TBC1D31: variants seen among roughly 807,000 people sequenced by gnomAD.
TBC1D31 encodes the protein TBC1 domain family member 31, also known as WD repeat domain 67.
A neutral mutation model predicts 132.9 loss-of-function variants in TBC1D31; 99 were observed. The ratio of observed to expected loss-of-function variants is 0.74; its 90% CI spans 0.63 to 0.88. The LOEUF (loss-of-function observed/expected upper bound fraction) is 0.88. Among genes scored for constraint, TBC1D31 ranks in the 40% least tolerant of loss-of-function variants. The pLI is 0.00. For synonymous variants in TBC1D31, 385 were observed against 419.4 expected, an observed-to-expected ratio of 0.92 and a Z score of 1.00; for missense variants, 1,134 against 1,256.6, an observed-to-expected ratio of 0.90 and a Z score of 1.48.
At chr8:123,080,442 G>A (rs1173076209) in intron 2 of TBC1D31, among the ~76,000 whole-genome samples, 1 of 151,642 alleles carries the variant, frequency 6.6e-6, no homozygotes, top group Non-Finnish European at 1.5e-5. Flanking sequence ...TGGTAGAGAA[G>A]GGAAGAGGGA....
chr8:123,155,105 A>G (rs900575907), downstream of TBC1D31, among the ~76,000 whole-genome samples: 1 of 152,162 alleles, frequency 6.6e-6, no homozygotes, highest in Non-Finnish European at 1.5e-5. The surrounding 1 kb of genome is among the most constrained non-coding windows in gnomAD (Gnocchi z 4.1). Context: ...CTATCTAATG[A>G]GACAGATGCC....
intron 20 of TBC1D31, among the ~76,000 whole-genome samples, chr8:123,148,191 T>C (rs1352520881): frequency 6.6e-6 from 1 of 151,572 alleles, no homozygotes; most frequent in African/African-American, 2.4e-5. Flanking sequence ...ACCTCACCAA[T>C]AGTGATTTAA....
At chr8:123,072,960 C>T (rs938861339) in intron 1 of TBC1D31, 114 bp downstream of exon 1, 3 of 1,085,356 alleles carry the variant, frequency 2.8e-6, no homozygotes, top group Non-Finnish European at 4.0e-6. Context: ...CCCCGCATCC[C>T]TGGGTTGGAT....
rs1335604100 is a variant in TBC1D31, at chr8:123,144,829, A to G, written c.2948A>G (p.Glu983Gly). Residue 983 changes from glutamate (E) to glycine (G), a missense_variant, in exon 20 of 22, where the codon GAA becomes GGA. Physicochemically the swap from Glu to Gly is moderately conservative, Grantham distance 98. Coordinates refer to ENST00000287380, the MANE Select transcript of TBC1D31 (RefSeq NM_145647.4). ...FLKQEINAAV[E>G]HAENPCHKEE... is the part of the protein sequence containing the mutation. The stretch of plus-strand genomic sequence containing the variant: ...AAGCAAGAGATAAATGCGGCTGTAG[A>G]ACATGCTGAAAATCCATGTCATAAA... 1 of 1,612,972 alleles carries G rather than the reference A, an allele frequency of 6.2e-7. No individual in the cohort carries two copies. Among genetic ancestry groups the G allele is most frequent in the Non-Finnish European group, 8.5e-7 (1 of 1,179,782 alleles).
chr8:123,073,066 C>T (rs1480838675), intron 1 of TBC1D31, among the ~76,000 whole-genome samples: 1 of 152,188 alleles, frequency 6.6e-6, no homozygotes, highest in African/African-American at 2.4e-5. Flanking sequence ...CAGCGCGGAG[C>T]AGGAGGAGGC....
At chr8:123,077,461 A>C (rs537667796) in intron 2 of TBC1D31, among the ~76,000 whole-genome samples, 1 of 152,136 alleles carries the variant, frequency 6.6e-6, no homozygotes, top group Admixed American at 6.5e-5. Flanking sequence ...TAAAGAATTA[A>C]AGTGCTGGTT....
At chr8:123,149,095 T>C (rs1216816909) in intron 20 of TBC1D31, among the ~76,000 whole-genome samples, 3 of 152,188 alleles carry the variant, frequency 2.0e-5, no homozygotes, top group Non-Finnish European at 2.9e-5. Context: ...ATCTGCTTTT[T>C]CTTTTCTGTT....
Position 123,140,074 on chromosome 8 carries a change from T to C in TBC1D31, c.2500-687T>C, listed in dbSNP as rs147875603. Among the ~76,000 whole-genome samples the C allele has an allele frequency of 8.3e-3, 1,261 of 152,236 alleles. 15 individuals are homozygous for C. The highest frequency in any genetic ancestry group is 0.029 in the African/African-American group (1,225 of 41,542). ...AGGCTGCTGGTTTTCAAGACTAATG[T>C]ATAGGCTGGACATGGTGGCTCACAC... is the stretch of plus-strand genomic sequence containing the variant. On this transcript the variant is annotated intron_variant, in intron 17 of 21. Coordinates refer to ENST00000287380, the MANE Select transcript of TBC1D31 (RefSeq NM_145647.4).
chr8:123,085,791 T>C (rs1367176119), intron 4 of TBC1D31, among the ~76,000 whole-genome samples: 4 of 152,250 alleles, frequency 2.6e-5, no homozygotes. Context: ...TAGAATTCCA[T>C]TGTGTAAATA....
the TBC1D31 span, among the ~76,000 whole-genome samples, chr8:123,159,322 A>C: frequency 6.6e-6 from 1 of 152,100 alleles, no homozygotes; most frequent in African/African-American, 2.4e-5. Context: ...CCAAGTGTAC[A>C]ACAGGGAACT....
chr8:123,157,745 G>T, the TBC1D31 span, among the ~76,000 whole-genome samples: 26 of 126,386 alleles, frequency 2.1e-4, no homozygotes. Flanking sequence ...ACACACACCC[G>T]CTGTTACGGC....
rs571709118 is a variant in TBC1D31 at position 123,114,514 on chromosome 8, G to A, written c.1436+4894G>A. Among the ~76,000 whole-genome samples, 7 of 152,208 alleles carry A rather than the reference G, an allele frequency of 4.6e-5. No individual in the cohort carries two copies. The South Asian group carries it at 1.5e-3, about 32-fold the overall frequency. ...TATTTGTGTTTTTAATAGAGACAGG[G>A]TTTCACCAAGTTTGCCAGGCTGGTC... On this transcript the variant is annotated intron_variant, in intron 10 of 21. Transcript: ENST00000287380.
chr8:123,151,059 T>G (rs1822726434), intron 21 of TBC1D31, among the ~76,000 whole-genome samples: 1 of 152,210 alleles, frequency 6.6e-6, no homozygotes, highest in African/African-American at 2.4e-5. Flanking sequence ...TGCCAGAATA[T>G]GAATTAAACC....
Position 123,080,783 on chromosome 8 carries a change from C to T in TBC1D31, c.225-1919C>T, listed in dbSNP as rs185991981. 2.8e-3 allele frequency among the ~76,000 whole-genome samples: 419 copies of T among 152,252 alleles called. 1 individual carries two copies. The highest frequency in any genetic ancestry group is 9.5e-3 in the African/African-American group (396 of 41,540). On this transcript the variant is annotated intron_variant, in intron 2 of 21. Coordinates refer to ENST00000287380, the MANE Select transcript of TBC1D31 (RefSeq NM_145647.4). Reference sequence around the variant, plus strand: ...ATCTCCTGACCTCGTGATCCGCCCGCCTAGGCCTCCCAAAGTGTTGGGATT... The same window carrying T: ...ATCTCCTGACCTCGTGATCCGCCCGTCTAGGCCTCCCAAAGTGTTGGGATT...
intron 17 of TBC1D31, among the ~76,000 whole-genome samples, chr8:123,135,037 C>T (rs1586713380): frequency 6.6e-6 from 1 of 152,258 alleles, no homozygotes; most frequent in East Asian, 1.9e-4. Flanking sequence ...GTAGCTGGGA[C>T]TACAGACGTG....
chr8:123,096,160 T>C (rs1816815291), intron 5 of TBC1D31, among the ~76,000 whole-genome samples: 2 of 152,172 alleles, frequency 1.3e-5, no homozygotes, highest in African/African-American at 4.8e-5. Flanking sequence ...AGTCAGATCA[T>C]GTCACTTTCC....
chr8:123,124,361 A>G (rs1819813410), intron 11 of TBC1D31, among the ~76,000 whole-genome samples: 1 of 152,144 alleles, frequency 6.6e-6, no homozygotes, highest in South Asian at 2.1e-4. Flanking sequence ...CACAATTATC[A>G]TTTCTCTGTA....
chr8:123,088,574 A>T (rs1373294974), intron 4 of TBC1D31, among the ~76,000 whole-genome samples: 1 of 152,238 alleles, frequency 6.6e-6, no homozygotes, highest in East Asian at 1.9e-4. Flanking sequence ...CCCCTGACAC[A>T]GCCCTCAGGA....
intron 10 of TBC1D31, among the ~76,000 whole-genome samples, chr8:123,116,595 G>T (rs4871350): frequency 0.58 from 87,558 of 151,566 alleles, 25,579 homozygotes; most frequent in African/African-American, 0.63. Flanking sequence ...TGCATATATT[G>T]CCAAGCTCTT....
Sources: allele counts gnomAD v4.1 joint callset (sites outside exome capture counted in the v4.1 genomes callset), GRCh38; gene constraint gnomAD v4.1.1; non-coding constraint Gnocchi (gnomAD v3.1); transcripts MANE v1.5; gene names NCBI Gene and HGNC (gene_info 2026-07-23, HGNC 2026-07-21).